Variants in UGT2A1 observed in about 807,000 individuals in gnomAD.
The protein encoded by UGT2A1 is UDP glucuronosyltransferase family 2 member A1 complex locus.
A neutral mutation model predicts 45.4 loss-of-function variants in UGT2A1; 61 were observed. That is an observed-to-expected ratio of 1.34 (90% confidence interval 1.09 to 1.66). The LOEUF (loss-of-function observed/expected upper bound fraction) is 1.66, where lower values mean the gene tolerates loss of function less well. Ranked by LOEUF, UGT2A1 falls within the 40% of genes most tolerant of loss-of-function variation. The pLI is 0.00. For missense variants in UGT2A1, 649 were observed against 574.3 expected (o/e 1.13, Z -1.33); for synonymous variants, 229 against 196.2 (o/e 1.17, Z -1.40).
chr4:69,596,535 T>A (rs1281735207), intron 4 of UGT2A1, among the ~76,000 whole-genome samples: 1 of 151,952 alleles, frequency 6.6e-6, no homozygotes, highest in African/African-American at 2.4e-5. Context: ...GTTTCTATAT[T>A]TTTTTTTGGC....
At chr4:69,591,749 T>G (rs2017370) in intron 6 of UGT2A1, among the ~76,000 whole-genome samples, 59,256 of 151,852 alleles carry the variant, frequency 0.39, 11,818 homozygotes, top group East Asian at 0.56. Context: ...ATAATAAAAT[T>G]TAACCATCAT....
chr4:69,590,848 A>G (rs1718556174), intron 6 of UGT2A1, among the ~76,000 whole-genome samples: 1 of 152,200 alleles, frequency 6.6e-6, no homozygotes, highest in South Asian at 2.1e-4. Flanking sequence ...ATGTTTTATT[A>G]TACACTAATG....
At chr4:69,650,991 T>C (rs1391765326) in intron 1 of UGT2A1, among the ~76,000 whole-genome samples, 1 of 152,124 alleles carries the variant, frequency 6.6e-6, no homozygotes, top group African/African-American at 2.4e-5. Context: ...TAATGAACTT[T>C]AGTGTTTTTA....
intron 2 of UGT2A1, among the ~76,000 whole-genome samples, chr4:69,645,610 TTAGTC>T (rs1172862302): frequency 6.6e-6 from 1 of 151,404 alleles, no homozygotes; most frequent in East Asian, 1.9e-4. Context: ...GAGTGATACA[TTAGTC>T]TAGTCTCACA....
intron 3 of UGT2A1, among the ~76,000 whole-genome samples, chr4:69,618,348 C>T (rs1720540834): frequency 7.3e-6 from 1 of 137,346 alleles, no homozygotes; most frequent in East Asian, 2.0e-4. Context: ...ACCCCAGGAA[C>T]TCATACTAAT....
At chr4:69,608,336 T>C (rs935762578) in intron 3 of UGT2A1, among the ~76,000 whole-genome samples, 2 of 146,068 alleles carry the variant, frequency 1.4e-5, no homozygotes, top group African/African-American at 5.1e-5. Context: ...AAACAAACAC[T>C]GCATGTTCTC....
chr4:69,644,275 T>C (rs1391374452), intron 2 of UGT2A1, among the ~76,000 whole-genome samples: 2 of 151,738 alleles, frequency 1.3e-5, no homozygotes, highest in African/African-American at 2.4e-5. Context: ...ACTGCCAGCC[T>C]AGGTAAAGTA....
intron 2 of UGT2A1, chr4:69,639,281 T>C (rs1399967070): frequency 1.2e-6 from 2 of 1,613,748 alleles, no homozygotes; most frequent in Non-Finnish European, 1.7e-6. Flanking sequence ...GAAGTTTTCC[T>C]AGTTCTTTGT....
intron 3 of UGT2A1, among the ~76,000 whole-genome samples, chr4:69,632,730 A>G (rs1721455817): frequency 6.6e-6 from 1 of 152,020 alleles, no homozygotes; most frequent in Non-Finnish European, 1.5e-5. Context: ...TCTATTAAAA[A>G]TACAAAAATT....
intron 3 of UGT2A1, among the ~76,000 whole-genome samples, chr4:69,601,204 G>C (rs1475883523): frequency 6.6e-6 from 1 of 152,054 alleles, no homozygotes; most frequent in East Asian, 1.9e-4. Context: ...CTTCTCCCTG[G>C]AACATTACCC....
intron 3 of UGT2A1, among the ~76,000 whole-genome samples, chr4:69,604,369 C>T (rs1719475160): frequency 7.3e-6 from 1 of 136,220 alleles, no homozygotes; most frequent in Non-Finnish European, 1.6e-5. Context: ...CAAGCAAATG[C>T]TGAGAGATTT....
rs146912371 is a variant in UGT2A1, at chr4:69,595,226, C to A, written c.1020G>T (p.Lys340Asn). ...TATTGTTTCCTAATGTGGCTGGTTTCTTTCCTTTGTATCTCCATAAAACCT... is the reference window on the plus strand; with the variant it reads ...TATTGTTTCCTAATGTGGCTGGTTTATTTCCTTTGTATCTCCATAAAACCT... ...LPKVLWRYKGKKPATLGNNTQ... is the reference protein window; with the variant it reads ...LPKVLWRYKGNKPATLGNNTQ... The change falls in exon 5 of 7, where the codon AAG (lysine) becomes AAT (asparagine). Residue 340 changes from lysine (K) to asparagine (N), a missense_variant. By Grantham distance (94) the Lys-to-Asn change is moderately conservative (BLOSUM62 0). Coordinates refer to ENST00000286604, the MANE Select transcript of UGT2A1 (RefSeq NM_001252275.3). 6,166 of 1,613,714 alleles carry A rather than the reference C, an allele frequency of 3.8e-3. 14 individuals are homozygous for A. Among genetic ancestry groups the A allele is most frequent in the Non-Finnish European group, 4.7e-3 (5,593 of 1,179,822 alleles).
At chr4:69,600,624 A>T (rs1003241353) in intron 3 of UGT2A1, among the ~76,000 whole-genome samples, 5 of 152,180 alleles carry the variant, frequency 3.3e-5, no homozygotes, top group Non-Finnish European at 4.4e-5. Flanking sequence ...TGAGTAATTT[A>T]TTTTTTTAAA....
chr4:69,639,004 T>A, intron 2 of UGT2A1: 1 of 1,613,312 alleles, frequency 6.2e-7, no homozygotes, highest in Non-Finnish European at 8.5e-7. Flanking sequence ...CCAAAGGTCA[T>A]CTGGTCAGTG....
At chr4:69,630,097 T>C (rs1349445487) in intron 3 of UGT2A1, among the ~76,000 whole-genome samples, 1 of 152,036 alleles carries the variant, frequency 6.6e-6, no homozygotes, top group Non-Finnish European at 1.5e-5. Context: ...TAAGATTATA[T>C]TAAAAGATTA....
intron 2 of UGT2A1, among the ~76,000 whole-genome samples, chr4:69,644,756 C>A (rs1578007506): frequency 6.6e-6 from 1 of 151,770 alleles, no homozygotes; most frequent in Non-Finnish European, 1.5e-5. Flanking sequence ...CTTAACATAC[C>A]CAGAGGAGGT....
intron 4 of UGT2A1, among the ~76,000 whole-genome samples, chr4:69,598,072 G>A (rs1379669688): frequency 6.6e-6 from 1 of 152,056 alleles, no homozygotes; most frequent in Non-Finnish European, 1.5e-5. Context: ...GTGACCTATG[G>A]ATACGTCATG....
chr4:69,613,930 G>A (rs1245803712), intron 3 of UGT2A1, among the ~76,000 whole-genome samples: 6 of 151,978 alleles, frequency 3.9e-5, no homozygotes, highest in Non-Finnish European at 8.8e-5. Flanking sequence ...AGTAGGATAT[G>A]TGCTTTCACA....
At chr4:69,635,315 C>G (rs1466720831) in intron 3 of UGT2A1, among the ~76,000 whole-genome samples, 1 of 152,112 alleles carries the variant, frequency 6.6e-6, no homozygotes, top group South Asian at 2.1e-4. Context: ...TCTGCTCTCC[C>G]GATCTACAGT....
Sources: gnomAD v4.1 joint callset for allele counts (sites outside exome capture counted in the v4.1 genomes callset) on GRCh38, gnomAD v4.1.1 for gene constraint, MANE v1.5 for transcripts, NCBI Gene and HGNC (gene_info 2026-07-23, HGNC 2026-07-21) for gene names.